COL25A1: variants seen among roughly 807,000 people sequenced by gnomAD.
The protein encoded by COL25A1 is collagen alpha-1(XXV) chain.
COL25A1 carries 103 observed loss-of-function variants against 128.4 expected under a neutral mutation model. The observed-to-expected ratio is 0.80, with a 90% CI of 0.68 to 0.94. The LOEUF (loss-of-function observed/expected upper bound fraction) is 0.94, where lower values mean the gene tolerates loss of function less well. Among genes scored for constraint, COL25A1 ranks in the 40% least tolerant of loss-of-function variants. COL25A1 has a pLI of 0.00. For synonymous variants in COL25A1, 279 were observed against 277.2 expected (o/e 1.01, Z -0.06); for missense variants, 745 against 840.0 (o/e 0.89, Z 1.40).
intron 3 of COL25A1, among the ~76,000 whole-genome samples, chr4:109,154,778 C>T (rs1771871166): frequency 6.6e-6 from 1 of 152,166 alleles, no homozygotes; most frequent in South Asian, 2.1e-4. Flanking sequence ...TCAGCTGAAG[C>T]AAATAATATG....
chr4:109,143,702 T>C (rs886801658), intron 3 of COL25A1, among the ~76,000 whole-genome samples: 3 of 152,200 alleles, frequency 2.0e-5, no homozygotes, highest in African/African-American at 7.2e-5. Context: ...AATTCAGCTA[T>C]TGATACTTGT....
intron 8 of COL25A1, among the ~76,000 whole-genome samples, chr4:108,969,666 A>T (rs1215752954): frequency 6.6e-6 from 1 of 152,084 alleles, no homozygotes; most frequent in African/African-American, 2.4e-5. Flanking sequence ...TTCTACTCTG[A>T]CACTGACCTT....
chr4:109,153,812 C>CA (rs1432178388), intron 3 of COL25A1, among the ~76,000 whole-genome samples: 2 of 152,008 alleles, frequency 1.3e-5, no homozygotes, highest in African/African-American at 4.8e-5. Flanking sequence ...TATTGTGTAC[C>CA]AAACACCACA....
At chr4:109,182,885 T>C (rs539367523) in intron 3 of COL25A1, among the ~76,000 whole-genome samples, 1 of 152,032 alleles carries the variant, frequency 6.6e-6, no homozygotes, top group Non-Finnish European at 1.5e-5. Context: ...AAAGGTTTCC[T>C]ATTAACCTTT....
intron 13 of COL25A1, among the ~76,000 whole-genome samples, chr4:108,904,899 G>C (rs543296181): frequency 8.6e-5 from 10 of 116,432 alleles, no homozygotes; most frequent in African/African-American, 2.8e-4. Flanking sequence ...AGGATGGCTT[G>C]CTGCTTTCAT....
At chr4:109,161,436 T>C (rs1163592574) in intron 3 of COL25A1, among the ~76,000 whole-genome samples, 1 of 152,182 alleles carries the variant, frequency 6.6e-6, no homozygotes, top group Non-Finnish European at 1.5e-5. Context: ...TGTTCTTTCT[T>C]TCTTATCCTT....
chr4:109,176,928 G>T (rs575458216), intron 3 of COL25A1, among the ~76,000 whole-genome samples: 7 of 152,272 alleles, frequency 4.6e-5, no homozygotes, highest in Non-Finnish European at 1.0e-4. Flanking sequence ...GAAGGAACAT[G>T]GTGCTGCTGA....
At chr4:108,951,425 A>G (rs1171652652) in intron 8 of COL25A1, among the ~76,000 whole-genome samples, 1 of 147,260 alleles carries the variant, frequency 6.8e-6, no homozygotes, top group African/African-American at 2.5e-5. Flanking sequence ...TTGCTCTGTC[A>G]TGGAGGCTGG....
At chr4:109,236,538 C>T (rs1010046842) in intron 3 of COL25A1, among the ~76,000 whole-genome samples, 3 of 151,980 alleles carry the variant, frequency 2.0e-5, no homozygotes, top group Admixed American at 2.0e-4. Context: ...TTCAATACTT[C>T]AGGAAATGAA....
chr4:109,285,174 G>A (rs574860525), intron 3 of COL25A1, among the ~76,000 whole-genome samples: 2 of 152,220 alleles, frequency 1.3e-5, no homozygotes, highest in Admixed American at 6.5e-5. Flanking sequence ...TAAAGCCATC[G>A]ATAGGAAATA....
chr4:108,889,326 G>A, intron 17 of COL25A1, 70 bp from the exon 18 acceptor site: 1 of 1,484,876 alleles, frequency 6.7e-7, no homozygotes, highest in South Asian at 1.1e-5. Flanking sequence ...AGACCTCTGG[G>A]CACCATCACA....
intron 3 of COL25A1, among the ~76,000 whole-genome samples, chr4:109,129,693 G>A (rs1046868863): frequency 1.3e-5 from 2 of 152,048 alleles, no homozygotes; most frequent in East Asian, 1.9e-4. Flanking sequence ...CTATTCCTTC[G>A]ACAGATGTTA....
intron 3 of COL25A1, among the ~76,000 whole-genome samples, chr4:109,161,952 C>T (rs895232313): frequency 1.3e-5 from 2 of 152,168 alleles, no homozygotes. Flanking sequence ...GTGAATCATT[C>T]GGCAGCGCAC....
chr4:108,863,947 G>C, intron 20 of COL25A1, among the ~76,000 whole-genome samples: 1 of 152,208 alleles, frequency 6.6e-6, no homozygotes, highest in Middle Eastern at 3.4e-3. Flanking sequence ...GACTTGGACC[G>C]AGCCATGCTA....
At position 108,845,352 on chromosome 4, in the gene COL25A1, T is replaced by C. The variant is rs1291145276; in HGVS notation, c.1516-101A>G. On this transcript the variant is annotated intron_variant, in intron 28 of 37. Transcript: ENST00000399132. ...AACCCATTGTTCTCTTGACATTTTA[T>C]AATATTATGCACTTGCTACATAAAA... The C allele has an allele frequency of 4.5e-6, 4 of 884,800 alleles. No homozygotes were observed. In the Admixed American group the frequency reaches 7.2e-5, roughly 16 times the overall value. 54.8% of individuals were successfully genotyped at this position (884,800 alleles called of 1,614,324 possible). A position where few individuals can be genotyped will look rare whatever the true frequency, so the allele number is the denominator to read the frequency against.
intron 3 of COL25A1, among the ~76,000 whole-genome samples, chr4:109,182,631 GT>G (rs1560825572): frequency 6.6e-6 from 1 of 152,008 alleles, no homozygotes; most frequent in Non-Finnish European, 1.5e-5. Context: ...GAACGCCCAG[GT>G]AAGAGCTGAA....
At chr4:109,210,213 C>A (rs566029035) in intron 3 of COL25A1, among the ~76,000 whole-genome samples, 199 of 152,110 alleles carry the variant, frequency 1.3e-3, no homozygotes, top group African/African-American at 4.7e-3. Flanking sequence ...AAGGCTCCTA[C>A]TAGTATCAAA....
intron 23 of COL25A1, 112 bp from the exon 24 acceptor site, chr4:108,859,845 C>A: frequency 1.4e-6 from 1 of 697,448 alleles, no homozygotes; most frequent in Non-Finnish European, 2.5e-6. Flanking sequence ...CATTTCCCTA[C>A]TAAGGCCCAA....
At chr4:109,289,075 A>C (rs142194473) in intron 3 of COL25A1, among the ~76,000 whole-genome samples, 1 of 152,172 alleles carries the variant, frequency 6.6e-6, no homozygotes, top group African/African-American at 2.4e-5. Flanking sequence ...ATGTAGGAAA[A>C]AATTTGTACA....
Sources: allele counts gnomAD v4.1 joint callset (sites outside exome capture counted in the v4.1 genomes callset), GRCh38; gene constraint gnomAD v4.1.1; transcripts MANE v1.5; gene names NCBI Gene and HGNC (gene_info 2026-07-23, HGNC 2026-07-21).